CSMD3: variants seen among roughly 807,000 people sequenced by gnomAD.
CSMD3 encodes the protein CUB and Sushi multiple domains 3.
CSMD3 carries 177 observed loss-of-function variants against 435.2 expected under a neutral mutation model. That is an observed-to-expected ratio of 0.41 (90% CI 0.36 to 0.46). The LOEUF is 0.46. Ranked by LOEUF, CSMD3 falls within the 20% of genes least tolerant of loss-of-function variation. The pLI is 0.34. For missense variants in CSMD3, 4,265 were observed against 4,504.6 expected (o/e 0.95, Z 1.52); for synonymous variants, 1,656 against 1,520.5 (o/e 1.09, Z -2.07).
chr8:112,645,146 C>G lies in CSMD3; in HGVS notation c.3273G>C (p.Leu1091=), dbSNP rs768139354. 6.2e-7 allele frequency: 1 copy of G among 1,605,204 alleles called. No individual in the cohort carries two copies. The highest frequency in any genetic ancestry group is 8.5e-7 in the Non-Finnish European group (1 of 1,171,990). Residue 1091 remains leucine, a synonymous_variant, in exon 20 of 71, where the codon CTG becomes CTC. Transcript: ENST00000297405. ...PGYPEFYPNS[L]NCTWTVDVTH... ...TTACATCAACAGTCCATGTACAATT[C>G]AGAGAATTTGGATAAAATTCCGGGT...
At chr8:112,636,538 TTCTATCTATCTATCTATCTA>T (rs5894094) in intron 22 of CSMD3, among the ~76,000 whole-genome samples, 71,126 of 149,304 alleles carry the variant, frequency 0.48, 17,397 homozygotes, top group African/African-American at 0.56. Context: ...TCTATCATAT[TTCTATCTATCTATCTATCTA>T]TCTATCTATC....
At chr8:112,328,675 G>A (rs549226566) in intron 45 of CSMD3, among the ~76,000 whole-genome samples, 19 of 152,250 alleles carry the variant, frequency 1.2e-4, no homozygotes, top group African/African-American at 3.8e-4. Flanking sequence ...GAGGGATCTA[G>A]TGAGAGGGGA....
intron 6 of CSMD3, among the ~76,000 whole-genome samples, chr8:112,982,689 C>CA (rs1273936659): frequency 1.3e-5 from 2 of 151,890 alleles, no homozygotes; most frequent in Non-Finnish European, 2.9e-5. Context: ...CATTTGAAAG[C>CA]AGAGAACATG....
Position 112,972,307 on chromosome 8 carries a change from G to A in CSMD3, c.1342+3530C>T, listed in dbSNP as rs139194134. On this transcript the variant is annotated intron_variant, in intron 7 of 70. Transcript: ENST00000297405. ...TAGCATGAACTTGCAGACATCGAAC[G>A]GACCTATGCTATAGTAATCTCTTAT... is the stretch of plus-strand genomic sequence containing the variant. Among the ~76,000 whole-genome samples the A allele has an allele frequency of 7.2e-3, 1,096 of 151,732 alleles. 15 individuals carry two copies. Among genetic ancestry groups the A allele is most frequent in the African/African-American group, 0.025 (1,020 of 41,458 alleles).
intron 10 of CSMD3, among the ~76,000 whole-genome samples, chr8:112,868,054 T>A (rs1444406148): frequency 1.3e-5 from 2 of 152,162 alleles, no homozygotes; most frequent in East Asian, 3.8e-4. Context: ...TATGCTTTTT[T>A]CTATTTTTAC....
At chr8:112,734,104 C>G (rs1206836716) in intron 13 of CSMD3, among the ~76,000 whole-genome samples, 9 of 151,660 alleles carry the variant, frequency 5.9e-5, no homozygotes, top group Non-Finnish European at 1.2e-4. Context: ...AAAAGCTAGA[C>G]CTTAAAAAGA....
chr8:112,734,773 T>C lies in CSMD3; in HGVS notation c.1973-44723A>G, dbSNP rs2077150393. On this transcript the variant is annotated intron_variant, in intron 13 of 70. Coordinates refer to ENST00000297405, the MANE Select transcript of CSMD3 (RefSeq NM_198123.2). ...AACTGTAAATGTGAATAAGTTACAT[T>C]TGATAAATGCTATATAAGAATAGGT... 2.0e-5 allele frequency among the ~76,000 whole-genome samples: 3 copies of C among 152,142 alleles called. No individual in the cohort carries two copies. The South Asian group carries it at 6.2e-4, about 32-fold the overall frequency.
intron 8 of CSMD3, among the ~76,000 whole-genome samples, chr8:112,948,147 T>G (rs2083680967): frequency 6.6e-6 from 1 of 152,082 alleles, no homozygotes; most frequent in African/African-American, 2.4e-5. Flanking sequence ...CTTTTGTTTT[T>G]AGTTTCCATC....
chr8:113,114,366 T>G (rs1386197577), intron 4 of CSMD3, among the ~76,000 whole-genome samples: 2 of 152,038 alleles, frequency 1.3e-5, no homozygotes, highest in Non-Finnish European at 1.5e-5. Flanking sequence ...TCTGAGGAAT[T>G]TGAAAAGGGA....
At chr8:113,025,775 C>T (rs1223217585) in intron 5 of CSMD3, among the ~76,000 whole-genome samples, 1 of 151,982 alleles carries the variant, frequency 6.6e-6, no homozygotes, top group Non-Finnish European at 1.5e-5. Context: ...CAGGACAAGC[C>T]CAGGGTCAGC....
chr8:112,462,917 A>G (rs1817594212), intron 32 of CSMD3, among the ~76,000 whole-genome samples: 1 of 152,144 alleles, frequency 6.6e-6, no homozygotes, highest in South Asian at 2.1e-4. Flanking sequence ...CATAATCACA[A>G]TAAAACTCCA....
At chr8:112,404,772 CTATTA>C (rs1354842172) in intron 35 of CSMD3, among the ~76,000 whole-genome samples, 2 of 151,782 alleles carry the variant, frequency 1.3e-5, no homozygotes, top group Admixed American at 6.6e-5. Flanking sequence ...TTATGATTGT[CTATTA>C]TGTGTCAATA....
At chr8:113,418,322 G>C (rs2094591942) in intron 1 of CSMD3, among the ~76,000 whole-genome samples, 1 of 152,088 alleles carries the variant, frequency 6.6e-6, no homozygotes, top group Non-Finnish European at 1.5e-5. Flanking sequence ...TGAATATTCT[G>C]CACATATCTT....
chr8:112,390,825 T>C, intron 35 of CSMD3, 37 bp from the exon 36 acceptor site: 1 of 1,598,538 alleles, frequency 6.3e-7, no homozygotes, highest in Non-Finnish European at 8.6e-7. Flanking sequence ...GAGTTAATTC[T>C]AATGCAAAGG....
intron 13 of CSMD3, among the ~76,000 whole-genome samples, chr8:112,734,415 G>T (rs1341105231): frequency 6.6e-6 from 1 of 151,738 alleles, no homozygotes; most frequent in Non-Finnish European, 1.5e-5. Flanking sequence ...AATTCAGAAG[G>T]TTACAAAAAA....
At chr8:112,239,177 T>C (rs1247616288) in intron 66 of CSMD3, among the ~76,000 whole-genome samples, 1 of 152,066 alleles carries the variant, frequency 6.6e-6, no homozygotes, top group Non-Finnish European at 1.5e-5. Flanking sequence ...TCCCTTTCTT[T>C]GTGTATAAAT....
chr8:112,630,291 A>T (rs1385577452), intron 22 of CSMD3, among the ~76,000 whole-genome samples: 2 of 152,212 alleles, frequency 1.3e-5, no homozygotes, highest in Admixed American at 6.5e-5. Context: ...ATTAGATGAG[A>T]GAAAGCTGGA....
chr8:112,350,245 G>T (rs1408304539), intron 40 of CSMD3, among the ~76,000 whole-genome samples: 1 of 149,570 alleles, frequency 6.7e-6, no homozygotes, highest in Non-Finnish European at 1.5e-5. Flanking sequence ...TACGGTCATT[G>T]TGCAGAGTTA....
At chr8:113,433,356 G>C (rs1042828349) in intron 1 of CSMD3, among the ~76,000 whole-genome samples, 2 of 152,170 alleles carry the variant, frequency 1.3e-5, no homozygotes, top group Non-Finnish European at 2.9e-5. Context: ...ACACACGCGG[G>C]GCTGAAAGCT....
Sources: allele counts gnomAD v4.1 joint callset (sites outside exome capture counted in the v4.1 genomes callset), GRCh38; gene constraint gnomAD v4.1.1; transcripts MANE v1.5; gene names NCBI Gene and HGNC (gene_info 2026-07-23, HGNC 2026-07-21).